Variants in RBM44 observed in about 807,000 individuals in gnomAD.
RBM44 encodes the protein RNA binding motif protein 44.
A neutral mutation model predicts 105.1 loss-of-function variants in RBM44; 66 were observed. That is an observed-to-expected ratio of 0.63 (90% CI 0.52 to 0.77). RBM44 has a LOEUF of 0.77. Among genes scored for constraint, RBM44 ranks in the 30% least tolerant of loss-of-function variants. The pLI is 0.00. For synonymous variants in RBM44, 365 were observed against 417.6 expected (o/e 0.87, Z 1.54); for missense variants, 1,122 against 1,207.8 (o/e 0.93, Z 1.05).
Position 237,824,354 on chromosome 2 carries a change from T to G in RBM44, c.2384T>G (p.Val795Gly). ...GATGCTAAAGAGAGCCTGACAGGAG[T>G]TGACGTCTCAGGGACACAGGGAAAT... ...WSDAKESLTG[V>G]DVSGTQGNQV... Residue 795 changes from valine (V) to glycine (G), a missense_variant, in exon 10 of 16, where the codon GTT (valine) becomes GGT (glycine). Physicochemically the swap from Val to Gly is moderately radical, Grantham distance 109. This residue lies in a region of RBM44 where 918 missense variants were observed against 955.3 expected (regional missense o/e 0.96). Coordinates refer to ENST00000316997, the MANE Select transcript of RBM44 (RefSeq NM_001080504.3). 1 of 1,612,428 alleles carries G rather than the reference T, an allele frequency of 6.2e-7. No homozygotes were observed. Among genetic ancestry groups the G allele is most frequent in the Non-Finnish European group, 8.5e-7 (1 of 1,178,956 alleles).
chr2:237,820,260 C>G lies in RBM44; in HGVS notation c.1822C>G (p.Leu608Val). Residue 608 changes from leucine (L) to valine (V), a missense_variant, in exon 5 of 16, where the codon CTG (leucine) becomes GTG (valine). Coordinates refer to ENST00000316997, the MANE Select transcript of RBM44 (RefSeq NM_001080504.3). ...AATGCAGAGAGCCATAAAAGCAGAG[C>G]TGCACCTTTTAAATGTTCACTATCA... ...KIMQRAIKAE[L>V]HLLNVHYQMC... 2 of 1,598,320 alleles carry G rather than the reference C, an allele frequency of 1.3e-6. No homozygotes were observed. Among genetic ancestry groups the G allele is most frequent in the Non-Finnish European group, 1.7e-6 (2 of 1,169,966 alleles).
rs2061570088 is a variant in RBM44 at position 237,803,712 on chromosome 2, A to G, written c.-19+4851A>G. On this transcript the variant is annotated intron_variant, in intron 1 of 15. Coordinates refer to ENST00000316997, the MANE Select transcript of RBM44 (RefSeq NM_001080504.3). The surrounding 1 kb of genome is among the most constrained non-coding windows in gnomAD (Gnocchi z 4.2). Reference sequence around the variant, plus strand: ...TTGCCTATTCCAAAGTCATGAATATATTGTTGTGTTTTGAGAAACATTATA... The same window carrying G: ...TTGCCTATTCCAAAGTCATGAATATGTTGTTGTGTTTTGAGAAACATTATA... Among the ~76,000 whole-genome samples, 1 of 152,162 alleles carries G rather than the reference A, an allele frequency of 6.6e-6. No homozygotes were observed. The highest frequency in any genetic ancestry group is 6.5e-5 in the Admixed American group (1 of 15,278).
At position 237,821,785 on chromosome 2, in the gene RBM44, T is replaced by C. The variant is rs1576508644; in HGVS notation, c.2163T>C (p.His721=). 6.2e-7 allele frequency: 1 copy of C among 1,611,514 alleles called. No homozygotes were observed. Among genetic ancestry groups the C allele is most frequent in the Middle Eastern group, 1.7e-4 (1 of 6,038 alleles). ...ADAEQDNQRA[H]DVDVSSNLKK... ...CTGAACAAGATAATCAGAGGGCTCA[T>C]GATGTTGATGTTTCTTCAAACCTAA... Residue 721 remains histidine, a synonymous_variant, in exon 8 of 16, where the codon CAT becomes CAC. Transcript: ENST00000316997.
At chr2:237,819,450 C>T (rs1029104030) in intron 4 of RBM44, among the ~76,000 whole-genome samples, 2 of 151,912 alleles carry the variant, frequency 1.3e-5, no homozygotes, top group South Asian at 4.1e-4. Flanking sequence ...GTCTAAGAAG[C>T]GAAATTAGTT....
intron 12 of RBM44, 28 bp from the exon 13 acceptor site, chr2:237,829,189 C>T: frequency 6.4e-7 from 1 of 1,555,252 alleles, no homozygotes; most frequent in Non-Finnish European, 8.7e-7. Flanking sequence ...CATTAACAAC[C>T]TTTTGGTTTT....
At position 237,818,867 on chromosome 2, in the gene RBM44, C is replaced by CT; in HGVS notation, c.1678-28dup. 1 of 1,201,270 alleles carries CT rather than the reference C, an allele frequency of 8.3e-7. No individual in the cohort carries two copies. Among genetic ancestry groups the CT allele is most frequent in the Non-Finnish European group, 1.2e-6 (1 of 848,098 alleles). The allele number at this position is 1,201,270 out of a possible 1,614,324, so 74.4% of individuals were successfully genotyped here. ...TATTAGTTTGGAATTTCAGATATAACTTTTTTAAATTTAATTTTAAATCAT... is the reference window on the plus strand; with the variant it reads ...TATTAGTTTGGAATTTCAGATATAACTTTTTTTAAATTTAATTTTAAATCAT... On this transcript the variant is annotated intron_variant, in intron 3 of 15. Transcript: ENST00000316997. This position sits in a 1 kb window ranked among gnomAD's most constrained non-coding sequence, Gnocchi z 4.6.
At position 237,823,294 on chromosome 2, in the gene RBM44, C is replaced by T. The variant is rs1240357158; in HGVS notation, c.2206-146C>T. ...AAGTTACTTAGATTCTGTTCTCTCACATGTCAGGTCAGGTTGATAATGTTT... is the reference window on the plus strand; with the variant it reads ...AAGTTACTTAGATTCTGTTCTCTCATATGTCAGGTCAGGTTGATAATGTTT... On this transcript the variant is annotated intron_variant, in intron 8 of 15. Coordinates refer to ENST00000316997, the MANE Select transcript of RBM44 (RefSeq NM_001080504.3). 7 of 511,992 alleles carry T rather than the reference C, an allele frequency of 1.4e-5. No homozygotes were observed. In the East Asian group the frequency reaches 1.9e-4, roughly 14 times the overall value. The allele number at this position is 511,992 out of a possible 1,614,324, so 31.7% of individuals were successfully genotyped here.
intron 1 of RBM44, among the ~76,000 whole-genome samples, chr2:237,811,956 G>C (rs2061663311): frequency 1.3e-5 from 2 of 152,190 alleles, no homozygotes. Context: ...CCGGGTTCAA[G>C]TAATTCTCGT....
chr2:237,805,468 A>C (rs114359962), intron 1 of RBM44, among the ~76,000 whole-genome samples: 1 of 152,234 alleles, frequency 6.6e-6, no homozygotes, highest in African/African-American at 2.4e-5. Context: ...ATTATTTTTC[A>C]CACAATTAGA....
chr2:237,829,147 G>C, intron 12 of RBM44, 70 bp from the exon 13 acceptor site: 1 of 1,183,242 alleles, frequency 8.5e-7, no homozygotes, highest in East Asian at 2.5e-5. Context: ...TGCATCAGTA[G>C]TTGCAAAATT....
intron 13 of RBM44, among the ~76,000 whole-genome samples, chr2:237,830,197 A>G (rs1351558508): frequency 6.6e-6 from 1 of 152,226 alleles, no homozygotes; most frequent in Non-Finnish European, 1.5e-5. Flanking sequence ...ATTATACTAT[A>G]TAGCCCTGTT....
chr2:237,821,282 A>C (rs766509474), intron 6 of RBM44, 28 bp downstream of exon 6: 1 of 1,555,398 alleles, frequency 6.4e-7, no homozygotes, highest in Non-Finnish European at 8.7e-7. Flanking sequence ...AGAAATAAAA[A>C]ATTTTACTTC....
At position 237,809,432 on chromosome 2, in the gene RBM44, C is replaced by T. The variant is rs370518555; in HGVS notation, c.-18-4160C>T. 4.3e-4 allele frequency among the ~76,000 whole-genome samples: 65 copies of T among 152,194 alleles called. 2 individuals carry two copies. The highest frequency in any genetic ancestry group is 1.5e-3 in the African/African-American group (62 of 41,522). On this transcript the variant is annotated intron_variant, in intron 1 of 15. Coordinates refer to ENST00000316997, the MANE Select transcript of RBM44 (RefSeq NM_001080504.3). ...AAAAAATTTGAATGAAATGTGTATA[C>T]TCAGTGTCTCTAGTTCTTTCTTTTA...
At chr2:237,805,630 C>T (rs2061591927) in intron 1 of RBM44, among the ~76,000 whole-genome samples, 1 of 152,092 alleles carries the variant, frequency 6.6e-6, no homozygotes, top group African/African-American at 2.4e-5. Flanking sequence ...TACCTTTCAC[C>T]ATATACAAAA....
At chr2:237,814,632 A>C (rs1465744906) in intron 2 of RBM44, among the ~76,000 whole-genome samples, 2 of 152,216 alleles carry the variant, frequency 1.3e-5, no homozygotes, top group Non-Finnish European at 2.9e-5. Context: ...TAAAACAGTA[A>C]TACAGTCATA....
Position 237,800,517 on chromosome 2 carries a change from G to T in RBM44, c.-19+1656G>T, listed in dbSNP as rs148203773. On this transcript the variant is annotated intron_variant, in intron 1 of 15. Transcript: ENST00000316997. ...AAATGCAGATTTGAGTGTAGAATCAGATGTGAATGAGAATCCAGCTTGAGA... is the reference window on the plus strand; with the variant it reads ...AAATGCAGATTTGAGTGTAGAATCATATGTGAATGAGAATCCAGCTTGAGA... 2.8e-4 allele frequency among the ~76,000 whole-genome samples: 42 copies of T among 152,338 alleles called. No homozygotes were observed. The East Asian group carries it at 4.8e-3, about 17-fold the overall frequency.
chr2:237,819,505 T>C (rs2061760070), intron 4 of RBM44, among the ~76,000 whole-genome samples: 1 of 152,086 alleles, frequency 6.6e-6, no homozygotes, highest in African/African-American at 2.4e-5. Flanking sequence ...TTATTACTCA[T>C]TCTTCTAATA....
chr2:237,821,707 C>T (rs1390534599), intron 7 of RBM44, 36 bp from the exon 8 acceptor site: 1 of 1,416,826 alleles, frequency 7.1e-7, no homozygotes, highest in Non-Finnish European at 9.9e-7. Context: ...TGTTATCAAA[C>T]ATTAGATCAT....
intron 9 of RBM44, among the ~76,000 whole-genome samples, chr2:237,824,018 G>A (rs2061821525): frequency 6.6e-6 from 1 of 152,084 alleles, no homozygotes; most frequent in African/African-American, 2.4e-5. Flanking sequence ...AAAAATTAAG[G>A]GTTTCAATAA....
Sources: gnomAD v4.1 joint callset for allele counts (sites outside exome capture counted in the v4.1 genomes callset) on GRCh38, gnomAD v4.1.1 for gene constraint, gnomAD v4.1.1 regional missense constraint, Gnocchi (gnomAD v3.1) non-coding constraint, MANE v1.5 for transcripts, NCBI Gene and HGNC (gene_info 2026-07-23, HGNC 2026-07-21) for gene names.